The following PPIG variants were observed in gnomAD, a reference collection of about 807,000 sequenced individuals.
PPIG encodes the protein peptidylprolyl isomerase G.
PPIG carries 26 observed loss-of-function variants against 87.9 expected under a neutral mutation model. The observed-to-expected ratio is 0.30, with a 90% CI of 0.22 to 0.41. PPIG has a LOEUF of 0.41. Among genes scored for constraint, PPIG ranks in the 10% least tolerant of loss-of-function variants. PPIG has a pLI of 1.00. For missense variants in PPIG, 722 were observed against 879.4 expected (o/e 0.82, Z 2.26); for synonymous variants, 308 against 276.5 (o/e 1.11, Z -1.13).
At position 169,618,901 on chromosome 2, in the gene PPIG, T is replaced by C. The variant is rs774223008; in HGVS notation, c.547+4177T>C. 3.9e-5 allele frequency among the ~76,000 whole-genome samples: 6 copies of C among 152,142 alleles called. No homozygotes were observed. In the East Asian group the frequency reaches 5.8e-4, roughly 15 times the overall value. On this transcript the variant is annotated intron_variant, in intron 9 of 13. Coordinates refer to ENST00000260970, the MANE Select transcript of PPIG (RefSeq NM_004792.3). The stretch of plus-strand genomic sequence containing the variant: ...GCTCTGATCTTAGGTATTTCTCGTC[T>C]TCTGCTAGCTTCTGCTAGCTTTTGA...
intron 11 of PPIG, 32 bp from the exon 12 acceptor site, chr2:169,633,128 A>G: frequency 6.6e-7 from 1 of 1,509,968 alleles, no homozygotes; most frequent in Non-Finnish European, 9.2e-7. Context: ...TTTTTAAAAA[A>G]ATGTGTTAAC....
intron 4 of PPIG, 149 bp from the exon 5 acceptor site, chr2:169,605,889 TA>T: frequency 1.6e-6 from 1 of 611,012 alleles, no homozygotes; most frequent in Admixed American, 3.0e-5. Flanking sequence ...GGTGATTTTT[TA>T]AATGAATTTT....
intron 7 of PPIG, among the ~76,000 whole-genome samples, chr2:169,610,499 T>A (rs1213641987): frequency 1.3e-5 from 2 of 152,162 alleles, no homozygotes; most frequent in Non-Finnish European, 2.9e-5. Flanking sequence ...TGCATTTTTT[T>A]AAGTTTATGA....
intron 5 of PPIG, among the ~76,000 whole-genome samples, chr2:169,606,578 C>G (rs142096585): frequency 0.022 from 1,877 of 85,198 alleles, 58 homozygotes; most frequent in African/African-American, 0.09. Context: ...AATGACAGAG[C>G]AAGACTCTGT....
chr2:169,628,668 G>T lies in PPIG; in HGVS notation c.548-2106G>T, dbSNP rs372508124. On this transcript the variant is annotated intron_variant, in intron 9 of 13. Transcript: ENST00000260970. ...TTCATAAATAAACAAGGTTAGGCAT[G>T]GTAGCCCACACCTGTAATCCCAACA... 3.3e-5 allele frequency among the ~76,000 whole-genome samples: 5 copies of T among 152,016 alleles called. No homozygotes were observed. In the South Asian group the frequency reaches 1.0e-3, roughly 32 times the overall value.
At chr2:169,585,839 AGAGT>A (rs1001489110) in intron 1 of PPIG, among the ~76,000 whole-genome samples, 1 of 152,120 alleles carries the variant, frequency 6.6e-6, no homozygotes, top group Non-Finnish European at 1.5e-5. Context: ...CCAGGAAAAA[AGAGT>A]GAGTGTGTGT....
intron 9 of PPIG, among the ~76,000 whole-genome samples, chr2:169,618,596 C>G (rs899848630): frequency 6.6e-6 from 1 of 152,126 alleles, no homozygotes; most frequent in Non-Finnish European, 1.5e-5. Context: ...GTGTATGTGT[C>G]TAGGAATTTA....
chr2:169,639,647 C>T lies in PPIG; in HGVS notation c.*2124C>T, dbSNP rs966214368. The T allele has an allele frequency of 6.6e-6, 1 of 152,082 alleles. No individual in the cohort carries two copies. Among genetic ancestry groups the T allele is most frequent in the East Asian group, 1.9e-4 (1 of 5,206 alleles). The allele number at this position is 152,082 out of a possible 1,614,324, so 9.4% of individuals were successfully genotyped here. The stretch of plus-strand genomic sequence containing the variant: ...CTTATTTTAAAGTTTTATTAGCTCT[C>T]TTTACAGAACAGATGTGAAGGAGTT... On this transcript the variant is annotated 3_prime_UTR_variant, in exon 14 of 14. Transcript: ENST00000260970.
At chr2:169,625,170 A>C (rs1009646919) in intron 9 of PPIG, among the ~76,000 whole-genome samples, 1 of 152,222 alleles carries the variant, frequency 6.6e-6, no homozygotes, top group Non-Finnish European at 1.5e-5. Flanking sequence ...CCATGCTATG[A>C]AAATAGATCT....
At chr2:169,635,230 AC>A (rs1466818911) in intron 12 of PPIG, among the ~76,000 whole-genome samples, 1 of 152,080 alleles carries the variant, frequency 6.6e-6, no homozygotes, top group East Asian at 1.9e-4. Context: ...CCACTCCTTT[AC>A]CATTGATCTT....
intron 1 of PPIG, among the ~76,000 whole-genome samples, chr2:169,601,176 C>T (rs1685169673): frequency 6.6e-6 from 1 of 152,160 alleles, no homozygotes; most frequent in African/African-American, 2.4e-5. Flanking sequence ...TATTAAATAG[C>T]ATTTTATACC....
rs372767466 is a variant in PPIG, at chr2:169,614,742, A to G, written c.547+18A>G. 1.8e-5 allele frequency: 29 copies of G among 1,587,200 alleles called. No homozygotes were observed. Among genetic ancestry groups the G allele is most frequent in the Non-Finnish European group, 2.4e-5 (28 of 1,171,964 alleles). On this transcript the variant is annotated intron_variant, in intron 9 of 13. Coordinates refer to ENST00000260970, the MANE Select transcript of PPIG (RefSeq NM_004792.3). Reference sequence around the variant, plus strand: ...ATCTAAAGGTAAAAAGGAAGTACATATTTCTGAGAATACTTACACATACAA... The same window carrying G: ...ATCTAAAGGTAAAAAGGAAGTACATGTTTCTGAGAATACTTACACATACAA...
chr2:169,621,707 C>T (rs1410178627), intron 9 of PPIG, among the ~76,000 whole-genome samples: 2 of 151,468 alleles, frequency 1.3e-5, no homozygotes, highest in Non-Finnish European at 2.9e-5. Context: ...AGAAAATCTT[C>T]ATCATTTATT....
chr2:169,592,303 CT>C (rs777690234), intron 1 of PPIG, among the ~76,000 whole-genome samples: 9,150 of 93,128 alleles, frequency 0.098, 185 homozygotes, highest in South Asian at 0.22. Flanking sequence ...TGTCTTTTTT[CT>C]TTTTTTTTTT....
rs182385945 is a variant in PPIG at position 169,613,793 on chromosome 2, G to T, written c.378-671G>T. On this transcript the variant is annotated intron_variant, in intron 7 of 13. Transcript: ENST00000260970. ...ATACAAAAATTAGCCAGGCATGCTG[G>T]CATGCACCTATAGTCCCAGCTACTT... Among the ~76,000 whole-genome samples the T allele has an allele frequency of 1.1e-3, 160 of 152,260 alleles. 3 individuals are homozygous for T. The East Asian group carries it at 0.016, about 16-fold the overall frequency.
intron 9 of PPIG, among the ~76,000 whole-genome samples, chr2:169,625,951 G>C (rs1212353559): frequency 6.6e-6 from 1 of 152,100 alleles, no homozygotes. Context: ...TCACTGATCT[G>C]ACAGGAGGTG....
In PPIG at chr2:169,636,914, T is replaced by C. The variant is rs780813322; in HGVS notation, c.1656T>C (p.Thr552=). Residue 552 remains threonine (T), a synonymous_variant, in exon 14 of 14, where the codon ACT becomes ACC. Transcript: ENST00000260970. The part of the protein sequence containing the change: ...AQSRSRECDI[T]KGKHSYNSRT... ...CCAGGAGTAGAGAATGTGATATAAC[T>C]AAAGGTAAACACAGTTATAATAGCA... The C allele has an allele frequency of 1.2e-6, 2 of 1,613,754 alleles. No individual in the cohort carries two copies. Among genetic ancestry groups the C allele is most frequent in the South Asian group, 2.2e-5 (2 of 91,058 alleles).
At chr2:169,590,096 A>G (rs1050114535) in intron 1 of PPIG, among the ~76,000 whole-genome samples, 2 of 151,130 alleles carry the variant, frequency 1.3e-5, no homozygotes, top group African/African-American at 4.9e-5. Context: ...GCAACAAGAA[A>G]GAGCGAAACT....
chr2:169,586,269 A>G (rs1346357531), intron 1 of PPIG, among the ~76,000 whole-genome samples: 1 of 152,220 alleles, frequency 6.6e-6, no homozygotes, highest in African/African-American at 2.4e-5. Context: ...TTTTCTAGGC[A>G]GTCAGTTGTC....
Sources: allele counts gnomAD v4.1 joint callset (sites outside exome capture counted in the v4.1 genomes callset), GRCh38; gene constraint gnomAD v4.1.1; transcripts MANE v1.5; gene names NCBI Gene and HGNC (gene_info 2026-07-23, HGNC 2026-07-21).